The following RBFOX1 variants were observed in gnomAD, a reference collection of about 807,000 sequenced individuals.
The protein encoded by RBFOX1 is RNA binding fox-1 homolog 1.
In RBFOX1, 8 loss-of-function variants were observed where a neutral mutation model predicts 57.7. The ratio of observed to expected loss-of-function variants is 0.14; its 90% CI spans 0.08 to 0.25. The LOEUF (loss-of-function observed/expected upper bound fraction) is 0.25. Among genes scored for constraint, RBFOX1 ranks in the 10% least tolerant of loss-of-function variants. The pLI, the probability that RBFOX1 is intolerant of heterozygous loss-of-function variation, is 1.00. For synonymous variants in RBFOX1, 326 were observed against 222.4 expected, an observed-to-expected ratio of 1.47 and a Z score of -4.15; for missense variants, 611 against 548.5, an observed-to-expected ratio of 1.11 and a Z score of -1.14.
intron 4 of RBFOX1, among the ~76,000 whole-genome samples, chr16:7,361,275 G>A (rs960179283): frequency 1.3e-5 from 2 of 152,196 alleles, no homozygotes; most frequent in African/African-American, 2.4e-5. Context: ...ATTCCGTCTC[G>A]CTGGGCCTGC....
chr16:7,439,221 C>G (rs2098746749), intron 4 of RBFOX1, among the ~76,000 whole-genome samples: 1 of 152,156 alleles, frequency 6.6e-6, no homozygotes, highest in South Asian at 2.1e-4. Context: ...AAATCCAGTG[C>G]AAGGAGCAAA....
chr16:6,250,003 A>G (rs548848905), intron 1 of RBFOX1, among the ~76,000 whole-genome samples: 1 of 152,172 alleles, frequency 6.6e-6, no homozygotes, highest in South Asian at 2.1e-4. Context: ...GGTGCGGTAG[A>G]AAGGCCAAAA....
intron 4 of RBFOX1, among the ~76,000 whole-genome samples, chr16:7,128,494 G>T (rs1024311721): frequency 6.6e-6 from 1 of 152,160 alleles, no homozygotes; most frequent in Non-Finnish European, 1.5e-5. Flanking sequence ...GTACGTGTGT[G>T]TCTCTGATAT....
Position 7,358,551 on chromosome 16 carries a change from G to A in RBFOX1, c.28-159596G>A, listed in dbSNP as rs1180502146. 2.6e-5 allele frequency among the ~76,000 whole-genome samples: 4 copies of A among 152,236 alleles called. No individual in the cohort carries two copies. The East Asian group carries it at 7.7e-4, about 29-fold the overall frequency. The stretch of plus-strand genomic sequence containing the variant: ...TTCTCTTGCCTCAGCCTCCCTAGCA[G>A]CTGGAATTACAGGAGTCTGCCATCA... On this transcript the variant is annotated intron_variant, in intron 4 of 15. Transcript: ENST00000550418.
intron 1 of RBFOX1, among the ~76,000 whole-genome samples, chr16:6,060,406 G>A (rs971985398): frequency 2.6e-5 from 4 of 152,110 alleles, no homozygotes; most frequent in African/African-American, 4.8e-5. Context: ...CACAGTAAAT[G>A]TTCTAGAAGG....
chr16:7,422,513 C>T (rs1198224575), intron 4 of RBFOX1, among the ~76,000 whole-genome samples: 3 of 152,198 alleles, frequency 2.0e-5, no homozygotes, highest in African/African-American at 4.8e-5. Flanking sequence ...ATTGCTTGCA[C>T]TCCGTGACCC....
In RBFOX1 at chr16:7,602,731, A is replaced by C. The variant is rs1490429156; in HGVS notation, c.623-4554A>C. Among the ~76,000 whole-genome samples, 12 of 152,306 alleles carry C rather than the reference A, an allele frequency of 7.9e-5. 1 individual carries two copies. The South Asian group carries it at 2.5e-3, about 32-fold the overall frequency. On this transcript the variant is annotated intron_variant, in intron 9 of 15. Transcript: ENST00000550418. ...TTTCAAGGGCTGGATTCTAGACCAA[A>C]TGGACATAACAGACATTTACAGAAT... is the stretch of plus-strand genomic sequence containing the variant.
At chr16:5,651,783 T>C (rs2049249199) in intron 3 of RBFOX1, among the ~76,000 whole-genome samples, 3 of 152,228 alleles carry the variant, frequency 2.0e-5, no homozygotes, top group South Asian at 2.1e-4. Flanking sequence ...CTGAACAATA[T>C]TGTTGTCCAA....
At chr16:5,333,820 A>C (rs182495664) in intron 1 of RBFOX1, among the ~76,000 whole-genome samples, 27 of 152,306 alleles carry the variant, frequency 1.8e-4, no homozygotes, top group South Asian at 6.2e-4. Context: ...CATTTGTAAC[A>C]CAGTGGTTAG....
chr16:6,911,160 C>G (rs909591444), intron 3 of RBFOX1, among the ~76,000 whole-genome samples: 3 of 151,066 alleles, frequency 2.0e-5, no homozygotes, highest in South Asian at 2.1e-4. Context: ...GATAATCGCA[C>G]CATTGCACTC....
At chr16:7,172,086 T>G (rs1475187189) in intron 4 of RBFOX1, among the ~76,000 whole-genome samples, 1 of 152,214 alleles carries the variant, frequency 6.6e-6, no homozygotes, top group Non-Finnish European at 1.5e-5. Context: ...TTGATTTGCT[T>G]TAACGTTCTC....
At chr16:7,155,304 G>C (rs796681843) in intron 4 of RBFOX1, among the ~76,000 whole-genome samples, 34 of 152,138 alleles carry the variant, frequency 2.2e-4, no homozygotes, top group African/African-American at 6.3e-4. Flanking sequence ...TCGAGAGTTG[G>C]AGGATTGGCC....
intron 4 of RBFOX1, among the ~76,000 whole-genome samples, chr16:7,491,054 C>T (rs752425405): frequency 6.6e-6 from 1 of 152,122 alleles, no homozygotes; most frequent in Non-Finnish European, 1.5e-5. Flanking sequence ...TCTAAAGAGA[C>T]AACCAAATGG....
At chr16:6,535,787 T>G (rs2096726845) in intron 2 of RBFOX1, among the ~76,000 whole-genome samples, 1 of 152,188 alleles carries the variant, frequency 6.6e-6, no homozygotes, top group Non-Finnish European at 1.5e-5. Context: ...TGTATTTAAT[T>G]AGTCACTGCC....
chr16:7,013,314 G>T (rs548442543), intron 3 of RBFOX1, among the ~76,000 whole-genome samples: 1 of 152,172 alleles, frequency 6.6e-6, no homozygotes, highest in Non-Finnish European at 1.5e-5. Flanking sequence ...GCTTAACTCA[G>T]TGTTCTGCTC....
chr16:6,693,457 A>G (rs1233682199), intron 3 of RBFOX1, among the ~76,000 whole-genome samples: 2 of 151,168 alleles, frequency 1.3e-5, no homozygotes, highest in Non-Finnish European at 2.9e-5. Flanking sequence ...CATCACCACC[A>G]TCATCATCAC....
intron 14 of RBFOX1, among the ~76,000 whole-genome samples, chr16:7,703,601 T>C (rs928553174): frequency 1.3e-5 from 2 of 152,212 alleles, no homozygotes; most frequent in African/African-American, 4.8e-5. Flanking sequence ...GTTAAAACCC[T>C]GGTGTGGAGT....
chr16:6,884,607 A>C (rs116264742), intron 3 of RBFOX1, among the ~76,000 whole-genome samples: 3,078 of 152,232 alleles, frequency 0.02, 117 homozygotes, highest in African/African-American at 0.07. Context: ...AAAACAAAAA[A>C]AACTAAATTG....
rs1196263280 is a variant in RBFOX1 at position 5,548,167 on chromosome 16, AAAAAAAAAT to A, written c.259-50733_259-50725del. Reference sequence around the variant, plus strand: ...CAGAGCAAGACTCTGTTAAAAAAAAAAAAAAAAATATATATATATATATATATATATATA... The same window carrying A: ...CAGAGCAAGACTCTGTTAAAAAAAAAATATATATATATATATATATATATA... On this transcript the variant is annotated intron_variant, in intron 2 of 2. Transcript: ENST00000585867. Among the ~76,000 whole-genome samples, 121 of 62,420 alleles carry A rather than the reference AAAAAAAAAT, an allele frequency of 1.9e-3. 2 individuals are homozygous for A. Among genetic ancestry groups the A allele is most frequent in the East Asian group, 0.011 (10 of 948 alleles). 40.9% of individuals were successfully genotyped at this position (62,420 alleles called of 152,430 possible).
Sources: allele counts gnomAD v4.1 joint callset (sites outside exome capture counted in the v4.1 genomes callset), GRCh38; gene constraint gnomAD v4.1.1; transcripts MANE v1.5; gene names NCBI Gene and HGNC (gene_info 2026-07-23, HGNC 2026-07-21).